TMCO4: variants seen among roughly 807,000 people sequenced by gnomAD.
TMCO4 encodes transmembrane and coiled-coil domains 4.
Under a neutral mutation model 64.7 loss-of-function variants are expected in TMCO4, and 58 were observed. The ratio of observed to expected loss-of-function variants is 0.90; its 90% CI spans 0.73 to 1.12. TMCO4 has a LOEUF of 1.12. TMCO4 is among the 50% of genes most tolerant of loss of function. TMCO4 has a pLI of 0.00. For missense variants in TMCO4, 780 were observed against 825.9 expected (o/e 0.94, Z 0.68); for synonymous variants, 325 against 346.1 (o/e 0.94, Z 0.68).
intron 13 of TMCO4, among the ~76,000 whole-genome samples, chr1:19,721,045 G>A (rs1435743138): frequency 6.6e-6 from 1 of 152,172 alleles, no homozygotes; most frequent in Non-Finnish European, 1.5e-5. Flanking sequence ...TTCTTCTCCG[G>A]TTGGAATTCT....
At chr1:19,693,861 G>A (rs937871610) in intron 15 of TMCO4, among the ~76,000 whole-genome samples, 2 of 152,186 alleles carry the variant, frequency 1.3e-5, no homozygotes, top group African/African-American at 4.8e-5. Flanking sequence ...GTCCTGACTA[G>A]TGAGCTGAGA....
chr1:19,755,408 C>T (rs1486831447), intron 7 of TMCO4, among the ~76,000 whole-genome samples: 2 of 152,184 alleles, frequency 1.3e-5, no homozygotes, highest in African/African-American at 2.4e-5. Context: ...AGCCACCATG[C>T]CTGGCACATT....
intron 13 of TMCO4, among the ~76,000 whole-genome samples, chr1:19,727,245 A>G (rs1384873976): frequency 1.3e-5 from 2 of 152,102 alleles, no homozygotes; most frequent in Non-Finnish European, 2.9e-5. Context: ...CCATGTTAGG[A>G]CAGGACGTGC....
chr1:19,694,286 G>T, intron 15 of TMCO4, 148 bp downstream of exon 15: 1 of 637,964 alleles, frequency 1.6e-6, no homozygotes, highest in Non-Finnish European at 2.7e-6. Flanking sequence ...ACAGGCATGA[G>T]CCACTGCACC....
At chr1:19,778,115 C>A (rs1026737420) in intron 4 of TMCO4, among the ~76,000 whole-genome samples, 8 of 152,120 alleles carry the variant, frequency 5.3e-5, no homozygotes, top group Non-Finnish European at 1.2e-4. Context: ...TCTTCATTTT[C>A]TGGATGAAGA....
At chr1:19,779,239 C>T (rs939676486) in intron 4 of TMCO4, among the ~76,000 whole-genome samples, 5 of 152,176 alleles carry the variant, frequency 3.3e-5, no homozygotes, top group African/African-American at 7.2e-5. Flanking sequence ...AGTGCTCCTA[C>T]GCTCTCTTCC....
chr1:19,795,008 G>A (rs903157617), intron 2 of TMCO4, among the ~76,000 whole-genome samples: 1 of 152,150 alleles, frequency 6.6e-6, no homozygotes, highest in Non-Finnish European at 1.5e-5. Flanking sequence ...AACAGGGGAG[G>A]GAAGTGGTTG....
intron 10 of TMCO4, among the ~76,000 whole-genome samples, chr1:19,742,184 C>T (rs77848593): frequency 0.012 from 1,767 of 152,224 alleles, 41 homozygotes; most frequent in African/African-American, 0.041. Flanking sequence ...GAAGCCTTCC[C>T]GGCTCCTCTG....
chr1:19,768,941 T>C (rs1029150408), intron 6 of TMCO4, among the ~76,000 whole-genome samples: 4 of 152,118 alleles, frequency 2.6e-5, no homozygotes, highest in African/African-American at 9.7e-5. Flanking sequence ...GTAAAGAAAG[T>C]TTATTATGCT....
chr1:19,699,842 G>A (rs115893514), intron 14 of TMCO4, among the ~76,000 whole-genome samples: 4 of 152,154 alleles, frequency 2.6e-5, no homozygotes, highest in Admixed American at 6.6e-5. Context: ...ACAATCATGT[G>A]CACGAGCATG....
At chr1:19,785,654 C>T (rs1490263521) in intron 3 of TMCO4, among the ~76,000 whole-genome samples, 4 of 152,166 alleles carry the variant, frequency 2.6e-5, no homozygotes, top group African/African-American at 4.8e-5. Flanking sequence ...AATGACAAAG[C>T]GACCTAAGTT....
intron 13 of TMCO4, among the ~76,000 whole-genome samples, chr1:19,721,009 G>T (rs2095380199): frequency 6.6e-6 from 1 of 152,182 alleles, no homozygotes; most frequent in African/African-American, 2.4e-5. Flanking sequence ...TAATTAACAT[G>T]TAAGTTAATG....
At chr1:19,763,970 G>C (rs143761198) in intron 6 of TMCO4, among the ~76,000 whole-genome samples, 1 of 152,182 alleles carries the variant, frequency 6.6e-6, no homozygotes, top group African/African-American at 2.4e-5. Flanking sequence ...GGCTTAGGAC[G>C]ATTAAGGGCA....
intron 13 of TMCO4, among the ~76,000 whole-genome samples, chr1:19,714,501 T>C (rs955481872): frequency 6.6e-6 from 1 of 152,244 alleles, no homozygotes; most frequent in Admixed American, 6.5e-5. Flanking sequence ...TTGTGTTGTT[T>C]CTGCAACCTT....
chr1:19,798,779 T>A lies in TMCO4; in HGVS notation c.-179-564A>T, dbSNP rs376257381. ...GGGCTTTATTCCACCCTCTGGAGTG[T>A]ACTTCCTGAGGGCAGCGCTCCTTTT... On this transcript the variant is annotated intron_variant, in intron 1 of 15. Coordinates refer to ENST00000294543, the MANE Select transcript of TMCO4 (RefSeq NM_181719.7). 5.3e-5 allele frequency among the ~76,000 whole-genome samples: 8 copies of A among 152,370 alleles called. No individual in the cohort carries two copies. The East Asian group carries it at 1.3e-3, about 26-fold the overall frequency.
At chr1:19,798,454 G>C (rs1185414342) in intron 1 of TMCO4, among the ~76,000 whole-genome samples, 1 of 152,096 alleles carries the variant, frequency 6.6e-6, no homozygotes, top group East Asian at 1.9e-4. Flanking sequence ...CTCCTCCTTG[G>C]GCCTTAGGAC....
At chr1:19,770,709 T>C (rs1257616316) in intron 5 of TMCO4, 140 bp from the exon 6 acceptor site, 1 of 789,716 alleles carries the variant, frequency 1.3e-6, no homozygotes, top group Non-Finnish European at 2.0e-6. Context: ...GTGAGCCAGA[T>C]GATAAACAGG....
chr1:19,770,571 T>G lies in TMCO4; in HGVS notation c.355-2A>C. ...CTTGAGTGAGAAGCTCAGAAGGTCC[T>G]GAGGGAGAAGACAACAGGCATCAAT... is the stretch of plus-strand genomic sequence containing the variant. On this transcript the variant is annotated splice_acceptor_variant, in intron 5 of 15. Coordinates refer to ENST00000294543, the MANE Select transcript of TMCO4 (RefSeq NM_181719.7). LOFTEE classifies it high-confidence loss of function. The G allele has an allele frequency of 6.2e-7, 1 of 1,612,920 alleles. No homozygotes were observed. The highest frequency in any genetic ancestry group is 1.1e-5 in the South Asian group (1 of 90,870).
chr1:19,741,012 C>G, intron 10 of TMCO4, 71 bp from the exon 11 acceptor site: 1 of 1,460,964 alleles, frequency 6.8e-7, no homozygotes, highest in African/African-American at 1.4e-5. Context: ...GTACCCCAGA[C>G]AAGGAGCACC....
Sources: allele counts gnomAD v4.1 joint callset (sites outside exome capture counted in the v4.1 genomes callset), GRCh38; gene constraint gnomAD v4.1.1; transcripts MANE v1.5; gene names NCBI Gene and HGNC (gene_info 2026-07-23, HGNC 2026-07-21).